The following ANXA1 variants were observed in gnomAD, a reference collection of about 807,000 sequenced individuals.
ANXA1 encodes annexin A1, also known as annexin I (lipocortin I).
In ANXA1, 39 loss-of-function variants were observed where a neutral mutation model predicts 47.9. The observed-to-expected ratio is 0.81, with a 90% confidence interval of 0.63 to 1.06. The LOEUF (loss-of-function observed/expected upper bound fraction) is 1.06, where lower values mean the gene tolerates loss of function less well. Among genes scored for constraint, ANXA1 ranks in the 50% least tolerant of loss-of-function variants. The pLI is 0.00. For synonymous variants in ANXA1, 146 were observed against 142.5 expected (o/e 1.02, Z -0.17); for missense variants, 446 against 422.7 (o/e 1.06, Z -0.48).
chr9:73,169,150 T>A lies in ANXA1; in HGVS notation c.980T>A (p.Ile327Asn). ...KMYGISLCQA[I>N]LDETKGDYEK... The stretch of plus-strand genomic sequence containing the variant: ...TATGGTATCTCCCTTTGCCAAGCCA[T>A]CCTGGTATGTTTTGATTCCTCTAAT... The change falls in exon 12 of 13, where the codon ATC becomes AAC. Residue 327 changes from isoleucine to asparagine, a missense_variant. Physicochemically the swap from Ile to Asn is moderately radical, Grantham distance 149. Coordinates refer to ENST00000257497, the MANE Select transcript of ANXA1 (RefSeq NM_000700.3). 1 of 1,608,316 alleles carries A rather than the reference T, an allele frequency of 6.2e-7. No homozygotes were observed. The highest frequency in any genetic ancestry group is 8.5e-7 in the Non-Finnish European group (1 of 1,177,538).
intron 11 of ANXA1, chr9:73,168,782 C>A: frequency 2.0e-5 from 5 of 249,980 alleles, no homozygotes; most frequent in African/African-American, 4.7e-5. Flanking sequence ...AGTGTAGAGA[C>A]CGGATGGTGA....
At chr9:73,168,974 G>A in intron 11 of ANXA1, 58 bp from the exon 12 acceptor site, 1 of 1,478,380 alleles carries the variant, frequency 6.8e-7, no homozygotes, top group Non-Finnish European at 9.1e-7. Flanking sequence ...TAAAATTCAT[G>A]TTTTTAATGA....
intron 10 of ANXA1, among the ~76,000 whole-genome samples, chr9:73,166,509 T>C (rs1824232007): frequency 6.6e-6 from 1 of 152,140 alleles, no homozygotes; most frequent in East Asian, 1.9e-4. Context: ...GCATGGGATC[T>C]GGAATAAATG....
intron 1 of ANXA1, chr9:73,154,438 TTTTC>T (rs2118130687): frequency 2.7e-6 from 3 of 1,110,200 alleles, no homozygotes; most frequent in Non-Finnish European, 2.5e-6. Flanking sequence ...TTTCTTTTCT[TTTTC>T]TTTCTTTCTT....
rs773421579 is a variant in ANXA1, at chr9:73,158,795, T to G, written c.167T>G (p.Met56Arg). The stretch of plus-strand genomic sequence containing the variant: ...GTCGCTGCCTTGCATAAGGCCATAA[T>G]GGTTAAAGGTAACGTGTTTCCTCAA... ...SDVAALHKAI[M>R]VKGVDEATII... Residue 56 changes from methionine to arginine, a missense_variant, in exon 3 of 13, where the codon ATG becomes AGG. Coordinates refer to ENST00000257497, the MANE Select transcript of ANXA1 (RefSeq NM_000700.3). 1.2e-5 allele frequency: 19 copies of G among 1,613,296 alleles called. No homozygotes were observed. Among genetic ancestry groups the G allele is most frequent in the Non-Finnish European group, 8.5e-7 (1 of 1,179,486 alleles).
At chr9:73,161,382 A>G (rs577120149) in intron 6 of ANXA1, among the ~76,000 whole-genome samples, 1 of 152,284 alleles carries the variant, frequency 6.6e-6, no homozygotes, top group South Asian at 2.1e-4. Context: ...CCTTAACTTT[A>G]TCGTTATGAA....
intron 5 of ANXA1, 126 bp downstream of exon 5, chr9:73,160,502 AAATT>A: frequency 1.6e-6 from 1 of 616,790 alleles, no homozygotes; most frequent in Non-Finnish European, 2.7e-6. Flanking sequence ...AAGAATAAAT[AAATT>A]AATACCTCAA....
intron 1 of ANXA1, chr9:73,154,415 T>A: frequency 8.2e-7 from 1 of 1,212,358 alleles, no homozygotes; most frequent in Non-Finnish European, 1.1e-6. Context: ...CTTCTCTTTC[T>A]TTTCTTTTTT....
intron 1 of ANXA1, 51 bp from the exon 2 acceptor site, chr9:73,158,471 T>C (rs1824084097): frequency 7.3e-7 from 1 of 1,372,880 alleles, no homozygotes; most frequent in African/African-American, 1.4e-5. Flanking sequence ...GAAGGAGAGG[T>C]TGTGTGTGGT....
intron 8 of ANXA1, among the ~76,000 whole-genome samples, chr9:73,163,937 C>T (rs924887663): frequency 6.6e-6 from 1 of 152,010 alleles, no homozygotes; most frequent in African/African-American, 2.4e-5. Context: ...TTATAGATGT[C>T]AATTTATATT....
At chr9:73,162,668 A>G (rs948784009) in intron 6 of ANXA1, 114 bp from the exon 7 acceptor site, 2 of 610,128 alleles carry the variant, frequency 3.3e-6, no homozygotes, top group African/African-American at 1.8e-5. Flanking sequence ...AACATGTTCC[A>G]TAAGTCATTG....
chr9:73,157,235 A>T (rs1377941543), intron 1 of ANXA1, among the ~76,000 whole-genome samples: 1 of 152,204 alleles, frequency 6.6e-6, no homozygotes, highest in Non-Finnish European at 1.5e-5. Context: ...GAGTACTTTT[A>T]TATCAAGAAA....
chr9:73,160,503 A>C (rs1481171929), intron 5 of ANXA1, 127 bp downstream of exon 5: 1 of 613,478 alleles, frequency 1.6e-6, no homozygotes, highest in Non-Finnish European at 2.7e-6. Flanking sequence ...AGAATAAATA[A>C]ATTAATACCT....
intron 11 of ANXA1, 121 bp from the exon 12 acceptor site, chr9:73,168,911 G>GTGTATA (rs758329040): frequency 2.7e-6 from 2 of 753,964 alleles, no homozygotes; most frequent in Non-Finnish European, 4.3e-6. Flanking sequence ...GTGTGTGTGT[G>GTGTATA]TATAGCTAGT....
At position 73,166,141 on chromosome 9, in the gene ANXA1, G is replaced by T; in HGVS notation, c.751G>T (p.Val251Phe). 1 of 1,612,600 alleles carries T rather than the reference G, an allele frequency of 6.2e-7. No individual in the cohort carries two copies. The change falls in exon 10 of 13, where the codon GTT becomes TTT. Residue 251 changes from valine (V) to phenylalanine (F), a missense_variant. Physicochemically the swap from Val to Phe is conservative, Grantham distance 50. Transcript: ENST00000257497. Reference sequence around the variant, plus strand: ...GTACAGTAAGCATGACATGAACAAAGTTCTGGACCTGGAGTTGAAAGGTGA... The same window carrying T: ...GTACAGTAAGCATGACATGAACAAATTTCTGGACCTGGAGTTGAAAGGTGA... ...TKYSKHDMNK[V>F]LDLELKGDIE...
At chr9:73,169,555 G>T (rs988411131) in intron 12 of ANXA1, among the ~76,000 whole-genome samples, 2 of 152,014 alleles carry the variant, frequency 1.3e-5, no homozygotes, top group Non-Finnish European at 2.9e-5. Flanking sequence ...TGTTCAAATT[G>T]TCTCATAAGA....
intron 10 of ANXA1, among the ~76,000 whole-genome samples, chr9:73,167,283 T>C (rs957762235): frequency 8.5e-5 from 13 of 152,082 alleles, no homozygotes; most frequent in Admixed American, 6.6e-4. Context: ...ATAAAAAAAT[T>C]GATCGTCAGG....
rs1442292337 is a variant in ANXA1, at chr9:73,159,419, G to A, written c.266G>A (p.Gly89Glu). The A allele has an allele frequency of 6.2e-7, 1 of 1,612,144 alleles. No individual in the cohort carries two copies. Among genetic ancestry groups the A allele is most frequent in the South Asian group, 1.1e-5 (1 of 91,004 alleles). The change falls in exon 4 of 13, where the codon GGA (glycine) becomes GAA (glutamate). Residue 89 changes from glycine (G) to glutamate (E), a missense_variant. Transcript: ENST00000257497. ...AAAGCAGCATATCTCCAGGAAACAG[G>A]AAAGGTAAGTTAGAGTGGTAAATTT... Reference protein sequence around the residue: ...QIKAAYLQETGKPLDETLKKA... With the variant: ...QIKAAYLQETEKPLDETLKKA...
chr9:73,156,958 T>A (rs555710702), intron 1 of ANXA1, among the ~76,000 whole-genome samples: 1 of 152,196 alleles, frequency 6.6e-6, no homozygotes, highest in South Asian at 2.1e-4. Context: ...TAATTTTCAA[T>A]ATACTTAAGA....
Sources: gnomAD v4.1 joint callset for allele counts (sites outside exome capture counted in the v4.1 genomes callset) on GRCh38, gnomAD v4.1.1 for gene constraint, MANE v1.5 for transcripts, NCBI Gene and HGNC (gene_info 2026-07-23, HGNC 2026-07-21) for gene names.